The following ADAMTSL1 variants were observed in gnomAD, a reference collection of about 807,000 sequenced individuals.
ADAMTSL1 encodes ADAMTS-like protein 1.
ADAMTSL1 carries 126 observed loss-of-function variants against 201.8 expected under a neutral mutation model. That is an observed-to-expected ratio of 0.62 (90% CI 0.54 to 0.72). The LOEUF (loss-of-function observed/expected upper bound fraction) is 0.72. ADAMTSL1 is among the 30% of genes least tolerant of loss of function. The probability of loss-of-function intolerance (pLI) is 0.00; values close to 1 mark genes in which losing one functional copy is unlikely to be tolerated. For synonymous variants in ADAMTSL1, 1,121 were observed against 903.4 expected, an observed-to-expected ratio of 1.24 and a Z score of -4.32; for missense variants, 2,679 against 2,277.8, an observed-to-expected ratio of 1.18 and a Z score of -3.59.
chr9:18,068,546 C>G (rs1563980678), intron 1 of ADAMTSL1, among the ~76,000 whole-genome samples: 1 of 151,996 alleles, frequency 6.6e-6, no homozygotes, highest in Admixed American at 6.6e-5. Flanking sequence ...TACCAATGAA[C>G]AAATGCACCT....
intron 14 of ADAMTSL1, chr9:18,718,425 A>C (rs1023521828): frequency 3.1e-6 from 2 of 653,398 alleles, no homozygotes; most frequent in African/African-American, 3.6e-5. Context: ...ATCTTCTATC[A>C]TAGGACATAT....
intron 1 of ADAMTSL1, among the ~76,000 whole-genome samples, chr9:18,007,951 A>G (rs772338146): frequency 3.9e-5 from 6 of 152,026 alleles, no homozygotes; most frequent in Non-Finnish European, 8.8e-5. Context: ...AGACCATCTG[A>G]CACATAATCT....
chr9:18,621,557 CA>C (rs1826035618), intron 4 of ADAMTSL1, among the ~76,000 whole-genome samples: 3 of 6,928 alleles, frequency 4.3e-4, no homozygotes, highest in Non-Finnish European at 1.4e-3. Flanking sequence ...CGTCCTCTTC[CA>C]CACACACACA....
chr9:18,402,284 C>T (rs910744533), intron 2 of ADAMTSL1, among the ~76,000 whole-genome samples: 3 of 152,210 alleles, frequency 2.0e-5, no homozygotes, highest in South Asian at 2.1e-4. Context: ...TTGCGCTTCT[C>T]ATTTAATTGG....
Position 18,894,469 on chromosome 9 carries a change from T to C in ADAMTSL1, c.4851+1873T>C, listed in dbSNP as rs558637453. ...AATTATGGTGATGAGAATGAAGGTA[T>C]TGAGCAGTACCAATGGAGAGGAATC... On this transcript the variant is annotated intron_variant, in intron 26 of 28. Coordinates refer to ENST00000380548, the MANE Select transcript of ADAMTSL1 (RefSeq NM_001040272.6). Among the ~76,000 whole-genome samples, 6 of 151,086 alleles carry C rather than the reference T, an allele frequency of 4.0e-5. No individual in the cohort carries two copies. The South Asian group carries it at 1.3e-3, about 32-fold the overall frequency.
chr9:18,194,337 T>C (rs993528687), intron 2 of ADAMTSL1, among the ~76,000 whole-genome samples: 1 of 152,022 alleles, frequency 6.6e-6, no homozygotes, highest in African/African-American at 2.4e-5. Flanking sequence ...ATTGAGAAAG[T>C]TGACAGGGGA....
intron 2 of ADAMTSL1, among the ~76,000 whole-genome samples, chr9:18,177,695 C>T (rs537517991): frequency 7.9e-5 from 12 of 152,252 alleles, no homozygotes; most frequent in East Asian, 1.9e-4. Context: ...AATGGAGGAA[C>T]GGTGCATATT....
intron 9 of ADAMTSL1, among the ~76,000 whole-genome samples, chr9:18,666,842 G>T (rs1296033109): frequency 3.9e-5 from 6 of 152,020 alleles, no homozygotes. Flanking sequence ...ACAACATTTA[G>T]CCTTACATAT....
At chr9:18,764,825 C>T (rs990968348) in intron 16 of ADAMTSL1, among the ~76,000 whole-genome samples, 2 of 152,140 alleles carry the variant, frequency 1.3e-5, no homozygotes, top group Admixed American at 6.5e-5. Flanking sequence ...TTGTAAATGA[C>T]AATTTTTTAA....
Position 18,398,375 on chromosome 9 carries a change from A to G in ADAMTSL1, c.208-106454A>G, listed in dbSNP as rs183903090. 1.8e-3 allele frequency among the ~76,000 whole-genome samples: 278 copies of G among 152,296 alleles called. 2 individuals carry two copies. The highest frequency in any genetic ancestry group is 6.2e-3 in the African/African-American group (259 of 41,570). On this transcript the variant is annotated intron_variant, in intron 2 of 29. Coordinates refer to the ADAMTSL1 transcript ENST00000680146. Reference sequence around the variant, plus strand: ...CCTGAACACTGTGTGTTCATCAGATACAGCTATATGCAAATTTTCTTCTAC... The same window carrying G: ...CCTGAACACTGTGTGTTCATCAGATGCAGCTATATGCAAATTTTCTTCTAC...
chr9:18,231,370 C>A (rs867012592), intron 2 of ADAMTSL1, among the ~76,000 whole-genome samples: 1 of 152,144 alleles, frequency 6.6e-6, no homozygotes, highest in Non-Finnish European at 1.5e-5. Flanking sequence ...ACCCATTGGC[C>A]TATTTTAAGT....
rs190604506 is a variant in ADAMTSL1, at chr9:18,883,913, A to G, written c.4250-3918A>G. Reference sequence around the variant, plus strand: ...ATATCTTTTAAAGTTCCTGCTTTCAATTCTTTTGAATATATACCCTAAAGT... The same window carrying G: ...ATATCTTTTAAAGTTCCTGCTTTCAGTTCTTTTGAATATATACCCTAAAGT... On this transcript the variant is annotated intron_variant, in intron 23 of 28. Coordinates refer to ENST00000380548, the MANE Select transcript of ADAMTSL1 (RefSeq NM_001040272.6). 3.5e-3 allele frequency among the ~76,000 whole-genome samples: 536 copies of G among 152,236 alleles called. 4 individuals are homozygous for G. Among genetic ancestry groups the G allele is most frequent in the Non-Finnish European group, 5.0e-3 (338 of 68,008 alleles).
chr9:18,887,315 A>G (rs1828958174), intron 23 of ADAMTSL1, among the ~76,000 whole-genome samples: 1 of 152,238 alleles, frequency 6.6e-6, no homozygotes, highest in African/African-American at 2.4e-5. Context: ...CCTTATGCAG[A>G]AAAAAGATCC....
chr9:18,323,012 G>A (rs902093197), intron 2 of ADAMTSL1, among the ~76,000 whole-genome samples: 1 of 152,044 alleles, frequency 6.6e-6, no homozygotes, highest in Admixed American at 6.6e-5. Flanking sequence ...GAAAACAGAG[G>A]AGAGAATACT....
At chr9:18,522,686 C>G (rs1010503518) in intron 2 of ADAMTSL1, among the ~76,000 whole-genome samples, 3 of 149,258 alleles carry the variant, frequency 2.0e-5, no homozygotes, top group Admixed American at 2.0e-4. Context: ...TGAGAACATG[C>G]GATGTTTGTT....
At chr9:18,563,093 A>G (rs1478773782) in intron 3 of ADAMTSL1, among the ~76,000 whole-genome samples, 1 of 152,170 alleles carries the variant, frequency 6.6e-6, no homozygotes, top group Non-Finnish European at 1.5e-5. Context: ...GAGAAGAGTC[A>G]TTCTGGTTTT....
chr9:18,737,150 C>T (rs994130617), intron 15 of ADAMTSL1, among the ~76,000 whole-genome samples: 1 of 151,936 alleles, frequency 6.6e-6, no homozygotes, highest in African/African-American at 2.4e-5. Context: ...GAAACCTTGT[C>T]TCTACTAAAA....
intron 2 of ADAMTSL1, among the ~76,000 whole-genome samples, chr9:18,334,582 A>G (rs1835153914): frequency 6.6e-6 from 1 of 152,148 alleles, no homozygotes; most frequent in African/African-American, 2.4e-5. Context: ...ATTTTGTTTG[A>G]TTTTTCAACA....
At chr9:18,903,627 A>C (rs7467533) in intron 26 of ADAMTSL1, among the ~76,000 whole-genome samples, 82,137 of 151,976 alleles carry the variant, frequency 0.54, 22,645 homozygotes, top group East Asian at 0.63. Context: ...TAGAGCATCA[A>C]ACCAACCACA....
Sources: allele counts gnomAD v4.1 joint callset (sites outside exome capture counted in the v4.1 genomes callset), GRCh38; gene constraint gnomAD v4.1.1; transcripts MANE v1.5; gene names NCBI Gene and HGNC (gene_info 2026-07-23, HGNC 2026-07-21).